Variants in TXNL4A observed in about 807,000 individuals in gnomAD.
The protein encoded by TXNL4A is thioredoxin like 4A.
Under a neutral mutation model 14.6 loss-of-function variants are expected in TXNL4A, and 17 were observed. That is an observed-to-expected ratio of 1.16 (90% CI 0.80 to 1.74). The LOEUF (loss-of-function observed/expected upper bound fraction) is 1.74. Among genes scored for constraint, TXNL4A ranks in the 40% most tolerant of loss-of-function variants. The probability of loss-of-function intolerance (pLI) is 0.00; values close to 1 mark genes in which losing one functional copy is unlikely to be tolerated. For synonymous variants in TXNL4A, 83 were observed against 70.6 expected, an observed-to-expected ratio of 1.18 and a Z score of -0.88; for missense variants, 74 against 195.2, an observed-to-expected ratio of 0.38 and a Z score of 3.70.
intron 1 of TXNL4A, among the ~76,000 whole-genome samples, chr18:80,013,761 AC>A (rs545869372): frequency 1.2e-3 from 188 of 152,352 alleles, no homozygotes; most frequent in African/African-American, 4.3e-3. Flanking sequence ...GTTAAATATT[AC>A]ACAAGGGTCC....
chr18:80,024,068 C>T (rs992275277), intron 1 of TXNL4A, among the ~76,000 whole-genome samples: 6 of 152,144 alleles, frequency 3.9e-5, no homozygotes, highest in Non-Finnish European at 7.3e-5. Context: ...GGTACTGGCT[C>T]GGGCACCTTG....
intron 1 of TXNL4A, among the ~76,000 whole-genome samples, chr18:79,983,564 T>C (rs1027837138): frequency 6.6e-6 from 1 of 152,138 alleles, no homozygotes; most frequent in Non-Finnish European, 1.5e-5. Context: ...ACACCTAAAA[T>C]TCCGGAAAAA....
chr18:79,988,492 G>C lies in TXNL4A; in HGVS notation c.-100C>G, dbSNP rs1022632386. On this transcript the variant is annotated 5_prime_UTR_variant, in exon 1 of 3. Transcript: ENST00000269601. ...TCACTCCCCGGCCCCCGCCGCCCCC[G>C]GGCCCACGGACGAAATCCGGTCCCG... 18 of 1,217,144 alleles carry C rather than the reference G, an allele frequency of 1.5e-5. No homozygotes were observed. The highest frequency in any genetic ancestry group is 5.2e-6 in the Non-Finnish European group (5 of 966,928). The allele number at this position is 1,217,144 out of a possible 1,614,324, so 75.4% of individuals were successfully genotyped here.
chr18:80,003,718 G>A (rs1016705770), intron 1 of TXNL4A, among the ~76,000 whole-genome samples: 6 of 152,154 alleles, frequency 3.9e-5, no homozygotes, highest in African/African-American at 1.4e-4. Context: ...AAACACCTGA[G>A]AATAGGTAAT....
At position 79,973,800 on chromosome 18, in the gene TXNL4A, G is replaced by C; in HGVS notation, c.314C>G (p.Ala105Gly). The change falls in exon 3 of 3, where the codon GCC becomes GGC. Residue 105 changes from alanine to glycine, a missense_variant. Physicochemically the swap from Ala to Gly is moderately conservative, Grantham distance 60 (BLOSUM62 0). Transcript: ENST00000269601. The stretch of plus-strand genomic sequence containing the variant: ...CACCATCTCCTGCTTGTCCTCCATG[G>C]CCCAGTTAATCTTGTTGTTGTTGCC... Reference protein sequence around the residue: ...GTGNNNKINWAMEDKQEMVDI... With the variant: ...GTGNNNKINWGMEDKQEMVDI... 1 of 1,614,052 alleles carries C rather than the reference G, an allele frequency of 6.2e-7. No homozygotes were observed. Among genetic ancestry groups the C allele is most frequent in the East Asian group, 2.2e-5 (1 of 44,850 alleles).
intron 1 of TXNL4A, among the ~76,000 whole-genome samples, chr18:80,008,588 C>G (rs1249369105): frequency 6.6e-6 from 1 of 152,000 alleles, no homozygotes; most frequent in Non-Finnish European, 1.5e-5. Flanking sequence ...CCCTTCCTGT[C>G]TTCTCCACAT....
intron 1 of TXNL4A, among the ~76,000 whole-genome samples, chr18:80,003,505 T>C (rs982557657): frequency 3.9e-5 from 6 of 152,256 alleles, no homozygotes; most frequent in African/African-American, 1.4e-4. Context: ...ACAGCTTCTT[T>C]CTCTTCCCTT....
chr18:79,987,074 C>T (rs892944503), intron 1 of TXNL4A, among the ~76,000 whole-genome samples: 21 of 152,190 alleles, frequency 1.4e-4, no homozygotes, highest in Non-Finnish European at 2.5e-4. Context: ...CATCCCTGAC[C>T]CCCATGGAAG....
In TXNL4A at chr18:79,976,983, G is replaced by A. The variant is rs182934451; in HGVS notation, c.257+615C>T. 9.2e-5 allele frequency among the ~76,000 whole-genome samples: 14 copies of A among 151,790 alleles called. No homozygotes were observed. In the East Asian group the frequency reaches 1.7e-3, roughly 19 times the overall value. On this transcript the variant is annotated intron_variant, in intron 2 of 2. Transcript: ENST00000269601. ...GGTTTTTGATTTTTTTTTTTGAGAC[G>A]GAGTTTTGCTCTTGTTGCCTAGGCT... is the stretch of plus-strand genomic sequence containing the variant.
chr18:79,973,584 A>C lies in TXNL4A; in HGVS notation c.*101T>G, dbSNP rs1457925182. ...ATCAATTCCATCTCAGAGGTGCTCC[A>C]GCCCTGGAGCTTCCTGTATTTTCCA... On this transcript the variant is annotated 3_prime_UTR_variant, in exon 3 of 3. Coordinates refer to ENST00000269601, the MANE Select transcript of TXNL4A (RefSeq NM_006701.5). The C allele has an allele frequency of 6.9e-7, 1 of 1,458,514 alleles. No individual in the cohort carries two copies. The allele number at this position is 1,458,514 out of a possible 1,614,324, so 90.3% of individuals were successfully genotyped here.
intron 2 of TXNL4A, among the ~76,000 whole-genome samples, chr18:79,976,956 T>C (rs1486989676): frequency 2.0e-5 from 2 of 97,728 alleles, no homozygotes; most frequent in African/African-American, 6.6e-5. Flanking sequence ...TTTAATAAAT[T>C]AGGTTTTTGA....
chr18:80,008,021 C>T (rs954371826), intron 1 of TXNL4A, among the ~76,000 whole-genome samples: 13 of 152,112 alleles, frequency 8.5e-5, no homozygotes, highest in Admixed American at 3.3e-4. Flanking sequence ...CGTGGCAGCG[C>T]ACGCCTGTGG....
rs541292282 is a variant in TXNL4A at position 79,988,449 on chromosome 18, G to A, written c.-57C>T. ...GGGGCGCCAGGGAGGGCCCAGCGAG[G>A]TGGGCTCAGCCGGCCCCTCACTCCC... On this transcript the variant is annotated 5_prime_UTR_variant, in exon 1 of 3. Coordinates refer to ENST00000269601, the MANE Select transcript of TXNL4A (RefSeq NM_006701.5). The A allele has an allele frequency of 7.5e-6, 10 of 1,336,550 alleles. No homozygotes were observed. In the East Asian group the frequency reaches 2.8e-4, roughly 37 times the overall value. 82.8% of individuals were successfully genotyped at this position (1,336,550 alleles called of 1,614,324 possible).
chr18:80,016,520 A>C (rs1429305690), intron 1 of TXNL4A, among the ~76,000 whole-genome samples: 1 of 152,068 alleles, frequency 6.6e-6, no homozygotes, highest in African/African-American at 2.4e-5. Flanking sequence ...TCTTTAATCC[A>C]TCTTGAATTA....
At chr18:79,998,101 G>A (rs898295945) in intron 1 of TXNL4A, among the ~76,000 whole-genome samples, 2 of 152,076 alleles carry the variant, frequency 1.3e-5, no homozygotes, top group African/African-American at 2.4e-5. Context: ...AGACCATTCT[G>A]GCTAACACGG....
At chr18:80,004,777 C>CA (rs1322307967) in intron 1 of TXNL4A, among the ~76,000 whole-genome samples, 2 of 152,164 alleles carry the variant, frequency 1.3e-5, no homozygotes, top group African/African-American at 4.8e-5. Flanking sequence ...AAACCACAAA[C>CA]AAAACATCGA....
At chr18:79,999,404 C>T (rs1314302730) in intron 1 of TXNL4A, among the ~76,000 whole-genome samples, 12 of 151,906 alleles carry the variant, frequency 7.9e-5, no homozygotes, top group Admixed American at 4.6e-4. Context: ...GGCATGGTGG[C>T]GGGTGCCTGT....
intron 1 of TXNL4A, among the ~76,000 whole-genome samples, chr18:79,983,413 G>C (rs1005183690): frequency 2.6e-5 from 4 of 152,162 alleles, no homozygotes; most frequent in African/African-American, 9.7e-5. Flanking sequence ...CAATTAAAGT[G>C]CTCAGCAGTT....
At chr18:80,019,113 C>T (rs2051831783) in intron 1 of TXNL4A, among the ~76,000 whole-genome samples, 1 of 152,194 alleles carries the variant, frequency 6.6e-6, no homozygotes, top group Non-Finnish European at 1.5e-5. Flanking sequence ...TTACCTAGTT[C>T]CAAAGTCACT....
Sources: allele counts gnomAD v4.1 joint callset (sites outside exome capture counted in the v4.1 genomes callset), GRCh38; gene constraint gnomAD v4.1.1; transcripts MANE v1.5; gene names NCBI Gene and HGNC (gene_info 2026-07-23, HGNC 2026-07-21).